The following SEMA6D variants were observed in gnomAD, a reference collection of about 807,000 sequenced individuals.
SEMA6D encodes semaphorin-6D.
In SEMA6D, 35 loss-of-function variants were observed where a neutral mutation model predicts 106.6. The observed-to-expected ratio is 0.33, with a 90% confidence interval of 0.25 to 0.44. The LOEUF is 0.44. SEMA6D is among the 20% of genes least tolerant of loss of function. The probability of loss-of-function intolerance (pLI) is 1.00; values close to 1 mark genes in which losing one functional copy is unlikely to be tolerated. For synonymous variants in SEMA6D, 499 were observed against 487.7 expected (o/e 1.02, Z -0.31); for missense variants, 1,185 against 1,345.9 (o/e 0.88, Z 1.87).
intron 3 of SEMA6D, among the ~76,000 whole-genome samples, chr15:47,471,936 C>CACACACACAA (rs2042858994): frequency 9.4e-6 from 1 of 106,768 alleles, no homozygotes; most frequent in Non-Finnish European, 1.9e-5. Context: ...CTCTCTCACA[C>CACACACACAA]ACACACACAC....
intron 4 of SEMA6D, among the ~76,000 whole-genome samples, chr15:47,646,801 A>G (rs962564115): frequency 4.6e-5 from 7 of 152,202 alleles, no homozygotes; most frequent in Non-Finnish European, 1.0e-4. Flanking sequence ...TTGGCAAAAT[A>G]TGCCATGAGC....
At chr15:47,203,911 A>G (rs1894881079) in intron 1 of SEMA6D, among the ~76,000 whole-genome samples, 3 of 152,228 alleles carry the variant, frequency 2.0e-5, no homozygotes, top group African/African-American at 7.2e-5. Flanking sequence ...GTTTACATAG[A>G]AGTTAATTAT....
intron 18 of SEMA6D, 151 bp from the exon 19 acceptor site, chr15:47,770,345 CA>C: frequency 1.7e-6 from 1 of 579,030 alleles, no homozygotes; most frequent in Middle Eastern, 4.7e-4. Flanking sequence ...TGATTAAAGA[CA>C]AAATATACAA....
intron 4 of SEMA6D, among the ~76,000 whole-genome samples, chr15:47,665,374 T>A (rs2145271092): frequency 6.6e-6 from 1 of 152,350 alleles, no homozygotes; most frequent in East Asian, 1.9e-4. Context: ...TTGTCTTTTG[T>A]TTTCTGCATT....
At chr15:47,521,941 C>A (rs1344515666) in intron 3 of SEMA6D, among the ~76,000 whole-genome samples, 2 of 150,976 alleles carry the variant, frequency 1.3e-5, no homozygotes, top group African/African-American at 4.9e-5. Context: ...GCCGAGATGG[C>A]GCCACTGCAC....
intron 1 of SEMA6D, among the ~76,000 whole-genome samples, chr15:47,331,850 C>G (rs2037355992): frequency 6.6e-6 from 1 of 152,146 alleles, no homozygotes; most frequent in Admixed American, 6.5e-5. Context: ...ATGCAAACAG[C>G]CAATAACCTA....
intron 1 of SEMA6D, among the ~76,000 whole-genome samples, chr15:47,320,951 G>A (rs1037229392): frequency 6.6e-6 from 1 of 152,122 alleles, no homozygotes; most frequent in Non-Finnish European, 1.5e-5. Context: ...GGATAGCAGT[G>A]ATTCAATACC....
chr15:47,574,992 G>A (rs2076131858), intron 3 of SEMA6D, among the ~76,000 whole-genome samples: 1 of 152,084 alleles, frequency 6.6e-6, no homozygotes, highest in African/African-American at 2.4e-5. Flanking sequence ...TCAGCTTTTT[G>A]ACACAAAAAT....
At chr15:47,637,090 G>C (rs182933904) in intron 4 of SEMA6D, among the ~76,000 whole-genome samples, 138 of 152,278 alleles carry the variant, frequency 9.1e-4, no homozygotes, top group African/African-American at 3.0e-3. Context: ...ATTTGGCTCT[G>C]AGCAACTCAG....
rs189857044 is a variant in SEMA6D, at chr15:47,386,992, C to A, written c.-238-25401C>A. On this transcript the variant is annotated intron_variant, in intron 1 of 19. Transcript: ENST00000558014. ...CTGTCATTGTGGGTGTTGGCCCACA[C>A]TGAGGCAGCCCATCCTTGTGCTTCA... 3.9e-5 allele frequency among the ~76,000 whole-genome samples: 6 copies of A among 152,250 alleles called. No homozygotes were observed. In the East Asian group the frequency reaches 1.2e-3, roughly 29 times the overall value.
At chr15:47,510,303 T>C (rs918505676) in intron 3 of SEMA6D, among the ~76,000 whole-genome samples, 3 of 152,126 alleles carry the variant, frequency 2.0e-5, no homozygotes, top group African/African-American at 7.2e-5. Flanking sequence ...TGCCTGATGA[T>C]CTGAGGTGGA....
intron 1 of SEMA6D, among the ~76,000 whole-genome samples, chr15:47,250,736 A>G (rs1406104754): frequency 2.0e-5 from 3 of 152,204 alleles, no homozygotes; most frequent in Admixed American, 6.5e-5. Flanking sequence ...GCCACCCCAG[A>G]TTGAGAGCTG....
rs139821306 is a variant in SEMA6D at position 47,220,066 on chromosome 15, G to A, written c.-239+35648G>A. Among the ~76,000 whole-genome samples the A allele has an allele frequency of 7.0e-4, 107 of 152,274 alleles. 2 individuals are homozygous for A. The highest frequency in any genetic ancestry group is 1.3e-3 in the Non-Finnish European group (88 of 68,020). On this transcript the variant is annotated intron_variant, in intron 1 of 19. Coordinates refer to the SEMA6D transcript ENST00000558014. ...TGCAGGCAAGGCCTCTTGATACCTA[G>A]GCTCAGGATGAGCACACTGTCACCT...
intron 1 of SEMA6D, among the ~76,000 whole-genome samples, chr15:47,258,520 C>T (rs766952217): frequency 2.0e-5 from 3 of 152,120 alleles, no homozygotes; most frequent in African/African-American, 4.8e-5. Context: ...TTATGTCTAC[C>T]TCCTTGAGCT....
intron 3 of SEMA6D, among the ~76,000 whole-genome samples, chr15:47,481,176 G>A (rs979550854): frequency 6.6e-5 from 10 of 152,022 alleles, no homozygotes; most frequent in Non-Finnish European, 4.4e-5. Flanking sequence ...TGGTAGTGTT[G>A]GAGAGGGTGT....
chr15:47,707,445 G>C (rs1257883688), intron 4 of SEMA6D, among the ~76,000 whole-genome samples: 2 of 152,120 alleles, frequency 1.3e-5, no homozygotes, highest in Non-Finnish European at 2.9e-5. Context: ...AAAAGTGTCA[G>C]GCTGAAAAGA....
chr15:47,762,249 C>T lies in SEMA6D; in HGVS notation c.588C>T (p.Ala196=), dbSNP rs76409605. The change falls in exon 8 of 19, where the codon GCC becomes GCT. Residue 196 remains alanine, a synonymous_variant. Transcript: ENST00000536845. ...TGGCTGACTTCTTGGCCAGCGATGC[C>T]GTTATTTATCGAAGCATGGGTGATG... ...ATVADFLASD[A]VIYRSMGDGS... 1,271 of 1,613,504 alleles carry T rather than the reference C, an allele frequency of 7.9e-4. 8 individuals are homozygous for T. The African/African-American group carries it at 0.015, about 19-fold the overall frequency.
intron 1 of SEMA6D, among the ~76,000 whole-genome samples, chr15:47,207,773 C>T (rs1484167096): frequency 6.6e-6 from 1 of 152,006 alleles, no homozygotes; most frequent in East Asian, 1.9e-4. Flanking sequence ...AAACATGGGT[C>T]CTTGGAGCAG....
chr15:47,706,462 G>A (rs2078914205), intron 4 of SEMA6D, among the ~76,000 whole-genome samples: 1 of 152,142 alleles, frequency 6.6e-6, no homozygotes, highest in Non-Finnish European at 1.5e-5. Flanking sequence ...TTCTATGTAA[G>A]TTGAAATGGT....
Sources: gnomAD v4.1 joint callset for allele counts (sites outside exome capture counted in the v4.1 genomes callset) on GRCh38, gnomAD v4.1.1 for gene constraint, MANE v1.5 for transcripts, NCBI Gene and HGNC (gene_info 2026-07-23, HGNC 2026-07-21) for gene names.